The following FRRS1 variants were observed in gnomAD, a reference collection of about 807,000 sequenced individuals.
FRRS1 encodes ferric reductase 1.
Under a neutral mutation model 70.7 loss-of-function variants are expected in FRRS1, and 51 were observed. The ratio of observed to expected loss-of-function variants is 0.72; its 90% CI spans 0.58 to 0.91. FRRS1 has a LOEUF of 0.91. Ranked by LOEUF, FRRS1 falls within the 40% of genes least tolerant of loss-of-function variation. FRRS1 has a pLI of 0.00. For synonymous variants in FRRS1, 225 were observed against 238.7 expected (o/e 0.94, Z 0.53); for missense variants, 672 against 726.0 (o/e 0.93, Z 0.86).
At chr1:99,752,903 C>T (rs948841132) in intron 1 of FRRS1, among the ~76,000 whole-genome samples, 2 of 152,006 alleles carry the variant, frequency 1.3e-5, no homozygotes, top group Non-Finnish European at 2.9e-5. Flanking sequence ...TAGCCAGGAA[C>T]AGGACAAGGG....
chr1:99,744,969 C>CAAAAAAAAAAAAAA (rs71075450), intron 4 of FRRS1, among the ~76,000 whole-genome samples: 3 of 91,748 alleles, frequency 3.3e-5, no homozygotes, highest in South Asian at 3.8e-4. Flanking sequence ...GACTCCGTCT[C>CAAAAAAAAAAAAAA]AAAAAAAAAA....
At chr1:99,724,431 C>A (rs12126353) in intron 9 of FRRS1, among the ~76,000 whole-genome samples, 2 of 152,050 alleles carry the variant, frequency 1.3e-5, no homozygotes, top group African/African-American at 4.8e-5. Context: ...CTGCTTATCC[C>A]AAGACAGGAC....
chr1:99,741,731 T>C (rs182671462), intron 5 of FRRS1, among the ~76,000 whole-genome samples: 11 of 152,366 alleles, frequency 7.2e-5, no homozygotes, highest in African/African-American at 2.2e-4. Flanking sequence ...AATCTAAAAG[T>C]AGTATTATAT....
intron 12 of FRRS1, among the ~76,000 whole-genome samples, chr1:99,714,408 T>C (rs1328481727): frequency 6.6e-6 from 1 of 152,000 alleles, no homozygotes; most frequent in Non-Finnish European, 1.5e-5. Flanking sequence ...GGTCTCGAAC[T>C]CCTGACCTCG....
At chr1:99,721,892 C>T (rs189846585) in intron 9 of FRRS1, among the ~76,000 whole-genome samples, 12 of 152,128 alleles carry the variant, frequency 7.9e-5, no homozygotes, top group Admixed American at 5.2e-4. Context: ...CAACCACGCC[C>T]GGTCGAAAAA....
intron 12 of FRRS1, 72 bp from the exon 13 acceptor site, chr1:99,712,587 A>G: frequency 3.9e-6 from 3 of 771,606 alleles, no homozygotes; most frequent in Non-Finnish European, 6.5e-6. Context: ...TAAAAATAAT[A>G]CACACAGATG....
chr1:99,748,565 C>CACGGT lies in FRRS1; in HGVS notation c.196+3_196+7dup. On this transcript the variant is annotated splice_region_variant and intron_variant, in intron 3 of 16. Transcript: ENST00000646001. ...CCAAAATGTAAACAGTTAATCCCAG[C>CACGGT]ACGGTACCTTCAATCTGATCTCCTG... 2 of 1,608,240 alleles carry CACGGT rather than the reference C, an allele frequency of 1.2e-6. No individual in the cohort carries two copies. The highest frequency in any genetic ancestry group is 8.5e-7 in the Non-Finnish European group (1 of 1,175,036).
At chr1:99,722,262 G>A (rs1180259576) in intron 9 of FRRS1, among the ~76,000 whole-genome samples, 5 of 151,976 alleles carry the variant, frequency 3.3e-5, no homozygotes, top group Admixed American at 3.3e-4. Flanking sequence ...GCCCGTCTCG[G>A]TCTCTCAAAG....
intron 5 of FRRS1, among the ~76,000 whole-genome samples, 179 bp from the exon 6 acceptor site, chr1:99,741,119 CA>C (rs1557699406): frequency 6.6e-6 from 1 of 152,180 alleles, no homozygotes; most frequent in Non-Finnish European, 1.5e-5. Flanking sequence ...GATCACTTGA[CA>C]AATTTTTATT....
Position 99,742,265 on chromosome 1 carries a change from T to C in FRRS1, c.342A>G (p.Ala114=). 6.3e-7 allele frequency: 1 copy of C among 1,599,294 alleles called. No homozygotes were observed. Among genetic ancestry groups the C allele is most frequent in the Admixed American group, 1.7e-5 (1 of 60,016 alleles). Residue 114 remains alanine (A), a synonymous_variant, in exon 5 of 17, where the codon GCA becomes GCG. Transcript: ENST00000646001. The stretch of plus-strand genomic sequence containing the variant: ...TTTTAGATGCACTTCTGTGACTCAC[T>C]GCTGATCCCTGAAATAAAAGGGAAA... The part of the protein sequence containing the change: ...LLTCEDIQGS[A]VSHRSASKKT...
chr1:99,728,087 C>T (rs1444358732), intron 9 of FRRS1, among the ~76,000 whole-genome samples: 1 of 152,230 alleles, frequency 6.6e-6, no homozygotes, highest in Non-Finnish European at 1.5e-5. Flanking sequence ...AGATGAGATT[C>T]ATATTGGGCA....
chr1:99,727,315 C>T (rs989533959), intron 9 of FRRS1, among the ~76,000 whole-genome samples: 2 of 151,910 alleles, frequency 1.3e-5, no homozygotes, highest in African/African-American at 4.8e-5. Context: ...TATTATCAAG[C>T]CATATTAAGA....
chr1:99,751,787 G>T (rs910604816), intron 1 of FRRS1, among the ~76,000 whole-genome samples: 3 of 151,582 alleles, frequency 2.0e-5, no homozygotes, highest in Admixed American at 6.6e-5. Flanking sequence ...AAACAATAAA[G>T]GTCAGAAATT....
rs1656407623 is a variant in FRRS1 at position 99,748,624 on chromosome 1, G to C, written c.145C>G (p.His49Asp). Residue 49 changes from histidine (H) to aspartate (D), a missense_variant, in exon 3 of 17, where the codon CAT (histidine) becomes GAT (aspartate). Physicochemically the swap from His to Asp is moderately conservative, Grantham distance 81. Coordinates refer to ENST00000646001, the MANE Select transcript of FRRS1 (RefSeq NM_001361041.2). ...GTCATCTGACTCACGTAAATGTCAT[G>C]AACAGGAACAGACTGTGGACTATGA... ...HGHSPQSVPV[H>D]DIYVSQMTFR... 6.2e-7 allele frequency: 1 copy of C among 1,614,068 alleles called. No homozygotes were observed.
At position 99,728,574 on chromosome 1, in the gene FRRS1, T is replaced by C. The variant is rs1302137501; in HGVS notation, c.925A>G (p.Ile309Val). 6 of 1,613,350 alleles carry C rather than the reference T, an allele frequency of 3.7e-6. No homozygotes were observed. The highest frequency in any genetic ancestry group is 3.3e-5 in the Admixed American group (2 of 60,006). ...CTATTCTTAACTCCAGGAAGGGTAA[T>C]GTTTCTTCTGAAAGAACACTGCATA... ...GVMQCSFRRN[I>V]TLPGVKNRFD... The change falls in exon 9 of 17, where the codon ATT becomes GTT. Residue 309 changes from isoleucine (I) to valine (V), a missense_variant. Coordinates refer to ENST00000646001, the MANE Select transcript of FRRS1 (RefSeq NM_001361041.2).
chr1:99,721,905 C>A (rs1026546022), intron 9 of FRRS1, among the ~76,000 whole-genome samples: 2 of 152,058 alleles, frequency 1.3e-5, no homozygotes, highest in Admixed American at 6.6e-5. Context: ...TCGAAAAATT[C>A]TTTTTAATTA....
rs1158040637 is a variant in FRRS1, at chr1:99,708,597, CAAAAAAAAAAAAAAAA to C, written c.*415_*430del. 4.7e-4 allele frequency: 6 copies of C among 12,712 alleles called. No individual in the cohort carries two copies. Among genetic ancestry groups the C allele is most frequent in the Non-Finnish European group, 6.8e-4 (4 of 5,880 alleles). 0.8% of individuals were successfully genotyped at this position (12,712 alleles called of 1,614,324 possible). ...TGGGCGACAGAGCAAGACTCTGTCTCAAAAAAAAAAAAAAAAAAAAAAAAAAAAATATATATATATA... is the reference window on the plus strand; with the variant it reads ...TGGGCGACAGAGCAAGACTCTGTCTCAAAAAAAAAAAAATATATATATATA... On this transcript the variant is annotated 3_prime_UTR_variant, in exon 17 of 17. Transcript: ENST00000646001.
chr1:99,725,754 A>C (rs1655053967), intron 9 of FRRS1, among the ~76,000 whole-genome samples: 1 of 152,326 alleles, frequency 6.6e-6, no homozygotes, highest in South Asian at 2.1e-4. Flanking sequence ...CTATCACTTA[A>C]AAGAAAACAT....
chr1:99,749,378 T>C, intron 1 of FRRS1, among the ~76,000 whole-genome samples: 1 of 152,272 alleles, frequency 6.6e-6, no homozygotes, highest in Non-Finnish European at 1.5e-5. Context: ...ACAAGGAAGA[T>C]AATAAATAAT....
Sources: allele counts gnomAD v4.1 joint callset (sites outside exome capture counted in the v4.1 genomes callset), GRCh38; gene constraint gnomAD v4.1.1; transcripts MANE v1.5; gene names NCBI Gene and HGNC (gene_info 2026-07-23, HGNC 2026-07-21).